ARMC2: variants seen among roughly 807,000 people sequenced by gnomAD.
ARMC2 encodes the protein armadillo repeat-containing protein 2.
A neutral mutation model predicts 90.3 loss-of-function variants in ARMC2; 67 were observed. The observed-to-expected ratio is 0.74, with a 90% CI of 0.61 to 0.91. The LOEUF (loss-of-function observed/expected upper bound fraction) is 0.91, where lower values mean the gene tolerates loss of function less well. Ranked by LOEUF, ARMC2 falls within the 40% of genes least tolerant of loss-of-function variation. The pLI, the probability that ARMC2 is intolerant of heterozygous loss-of-function variation, is 0.00. For synonymous variants in ARMC2, 393 were observed against 393.0 expected, an observed-to-expected ratio of 1.00 and a Z score of 0.00; for missense variants, 920 against 1,030.9, an observed-to-expected ratio of 0.89 and a Z score of 1.47.
chr6:108,953,891 A>G (rs545482462), intron 13 of ARMC2, among the ~76,000 whole-genome samples: 15 of 152,296 alleles, frequency 9.8e-5, no homozygotes, highest in African/African-American at 3.6e-4. Flanking sequence ...AGATTGGGCA[A>G]CTTTGTCAGA....
chr6:108,898,263 C>CT (rs1771793186), intron 6 of ARMC2, among the ~76,000 whole-genome samples: 1 of 152,216 alleles, frequency 6.6e-6, no homozygotes, highest in Non-Finnish European at 1.5e-5. Flanking sequence ...CTCTGTCTCT[C>CT]TGTCTTTCTC....
the ARMC2 span, among the ~76,000 whole-genome samples, chr6:108,997,849 T>G: frequency 6.6e-6 from 1 of 152,176 alleles, no homozygotes; most frequent in African/African-American, 2.4e-5. Context: ...GAAGGAGATT[T>G]TGATTCATCA....
intron 13 of ARMC2, among the ~76,000 whole-genome samples, chr6:108,954,778 A>G (rs1396580179): frequency 1.3e-5 from 2 of 152,182 alleles, no homozygotes; most frequent in South Asian, 2.1e-4. Flanking sequence ...GCCATTTCCT[A>G]AGCTCTTTCT....
intron 4 of ARMC2, among the ~76,000 whole-genome samples, chr6:108,869,711 T>C (rs1382864116): frequency 6.6e-6 from 1 of 152,134 alleles, no homozygotes; most frequent in Non-Finnish European, 1.5e-5. Context: ...TAAGCAAAAT[T>C]TGAATGGGAC....
chr6:108,928,227 T>C lies in ARMC2; in HGVS notation c.1490T>C (p.Ile497Thr). Residue 497 changes from isoleucine (I) to threonine (T), a missense_variant, in exon 11 of 18, where the codon ATA becomes ACA. By Grantham distance (89) the Ile-to-Thr change is moderately conservative (BLOSUM62 -1). Transcript: ENST00000392644. Reference sequence around the variant, plus strand: ...GACGTCTGTACCAATATTGCCAGAATATTCAGGTAGGTAGACTAAGACGTG... The same window carrying C: ...GACGTCTGTACCAATATTGCCAGAACATTCAGGTAGGTAGACTAAGACGTG... ...DKDVCTNIARIFSKLTSYRDC... is the reference protein window; with the variant it reads ...DKDVCTNIARTFSKLTSYRDC... The C allele has an allele frequency of 2.0e-6, 3 of 1,532,780 alleles. No homozygotes were observed. Among genetic ancestry groups the C allele is most frequent in the Non-Finnish European group, 2.6e-6 (3 of 1,140,426 alleles). The allele number at this position is 1,532,780 out of a possible 1,614,324, so 94.9% of individuals were successfully genotyped here. A position where few individuals can be genotyped will look rare whatever the true frequency, so the allele number is the denominator to read the frequency against.
intron 12 of ARMC2, among the ~76,000 whole-genome samples, chr6:108,950,502 C>A (rs1048988113): frequency 6.6e-6 from 1 of 152,114 alleles, no homozygotes; most frequent in African/African-American, 2.4e-5. Context: ...AGGCCATTAT[C>A]CTTAGCAAAC....
In ARMC2 at chr6:108,848,459, C is replaced by G. The variant is rs545828182; in HGVS notation, c.-131C>G. 1.3e-5 allele frequency: 2 copies of G among 152,496 alleles called. No homozygotes were observed. Among genetic ancestry groups the G allele is most frequent in the Admixed American group, 6.5e-5 (1 of 15,314 alleles). 9.4% of individuals were successfully genotyped at this position (152,496 alleles called of 1,614,324 possible). A position where few individuals can be genotyped will look rare whatever the true frequency, so the allele number is the denominator to read the frequency against. On this transcript the variant is annotated 5_prime_UTR_variant, in exon 1 of 18. Transcript: ENST00000392644. Reference sequence around the variant, plus strand: ...GCGTCGTGGGGTTACCCCGCCCGCGCCAGCGCTGCATCCCTGGCCGCTACC... The same window carrying G: ...GCGTCGTGGGGTTACCCCGCCCGCGGCAGCGCTGCATCCCTGGCCGCTACC...
intron 11 of ARMC2, among the ~76,000 whole-genome samples, chr6:108,934,309 A>G (rs1046456533): frequency 9.9e-5 from 15 of 152,202 alleles, no homozygotes; most frequent in African/African-American, 3.4e-4. Context: ...GCTTTTGATT[A>G]TGCATTTTCT....
At chr6:108,996,979 T>C in the ARMC2 span, among the ~76,000 whole-genome samples, 5 of 151,898 alleles carry the variant, frequency 3.3e-5, no homozygotes, top group African/African-American at 7.2e-5. Context: ...TATAACATTC[T>C]GGAAAAGACA....
At chr6:108,941,144 A>G (rs918938573) in intron 12 of ARMC2, among the ~76,000 whole-genome samples, 15 of 152,218 alleles carry the variant, frequency 9.9e-5, no homozygotes, top group Admixed American at 9.8e-4. Context: ...ATAAAATTGA[A>G]TATGAACAGA....
At chr6:108,858,379 A>C (rs774679378) in intron 3 of ARMC2, 108 bp downstream of exon 3, 12 of 625,372 alleles carry the variant, frequency 1.9e-5, no homozygotes, top group Non-Finnish European at 3.2e-5. Context: ...TATCATGTAC[A>C]CCTAAATAGA....
the ARMC2 span, among the ~76,000 whole-genome samples, chr6:109,045,927 A>G: frequency 1.3e-5 from 2 of 152,246 alleles, no homozygotes; most frequent in Non-Finnish European, 2.9e-5. Context: ...CTGATTGAAA[A>G]TAAGAATTTG....
the ARMC2 span, among the ~76,000 whole-genome samples, chr6:108,986,261 A>C: frequency 6.6e-6 from 1 of 152,186 alleles, no homozygotes; most frequent in African/African-American, 2.4e-5. Flanking sequence ...TCCAAGATAA[A>C]AATGGTCTCA....
At chr6:108,954,369 A>G (rs1473265752) in intron 13 of ARMC2, among the ~76,000 whole-genome samples, 1 of 152,182 alleles carries the variant, frequency 6.6e-6, no homozygotes, top group Non-Finnish European at 1.5e-5. Flanking sequence ...TCAGGCCTGT[A>G]ATCCCAGCAC....
chr6:109,011,787 C>T, the ARMC2 span, among the ~76,000 whole-genome samples: 1 of 151,930 alleles, frequency 6.6e-6, no homozygotes, highest in Admixed American at 6.6e-5. Context: ...GGCCACCACA[C>T]CCGGCTACTT....
At chr6:109,008,241 G>A in the ARMC2 span, among the ~76,000 whole-genome samples, 2 of 152,212 alleles carry the variant, frequency 1.3e-5, no homozygotes, top group Admixed American at 6.5e-5. Context: ...ATTCAAGCAT[G>A]ATGATTGGGG....
chr6:108,968,562 A>G (rs570197812), intron 17 of ARMC2, among the ~76,000 whole-genome samples: 21 of 152,310 alleles, frequency 1.4e-4, no homozygotes, highest in East Asian at 1.9e-4. Flanking sequence ...TCTCTTGGCA[A>G]TGAGCACTCA....
chr6:108,998,122 CAA>C, the ARMC2 span, among the ~76,000 whole-genome samples: 12 of 152,210 alleles, frequency 7.9e-5, 1 homozygote, highest in Middle Eastern at 3.4e-3. Flanking sequence ...TTATTTTGTG[CAA>C]AAGAGAAGAA....
the ARMC2 span, among the ~76,000 whole-genome samples, chr6:109,013,101 A>G: frequency 9.7e-4 from 141 of 145,410 alleles, no homozygotes; most frequent in Middle Eastern, 3.6e-3. Context: ...GGCAACAGGG[A>G]AAAAAAAAAA....
Sources: allele counts gnomAD v4.1 joint callset (sites outside exome capture counted in the v4.1 genomes callset), GRCh38; gene constraint gnomAD v4.1.1; transcripts MANE v1.5; gene names NCBI Gene and HGNC (gene_info 2026-07-23, HGNC 2026-07-21).